The following MMAA variants were observed in gnomAD, a reference collection of about 807,000 sequenced individuals.
The protein encoded by MMAA is methylmalonic aciduria type A protein, mitochondrial.
Under a neutral mutation model 45.0 loss-of-function variants are expected in MMAA, and 41 were observed. That is an observed-to-expected ratio of 0.91 (90% CI 0.71 to 1.18). The LOEUF (loss-of-function observed/expected upper bound fraction) is 1.18. Ranked by LOEUF, MMAA falls within the 50% of genes most tolerant of loss-of-function variation. The pLI is 0.00. For missense variants in MMAA, 460 were observed against 495.7 expected (o/e 0.93, Z 0.68); for synonymous variants, 154 against 178.2 (o/e 0.86, Z 1.08).
chr4:145,625,032 G>A lies in MMAA; in HGVS notation c.-66+5625G>A, dbSNP rs1734172675. 1.7e-5 allele frequency: 15 copies of A among 906,814 alleles called. No individual in the cohort carries two copies. The South Asian group carries it at 2.0e-4, about 12-fold the overall frequency. 56.2% of individuals were successfully genotyped at this position (906,814 alleles called of 1,614,324 possible). A position where few individuals can be genotyped will look rare whatever the true frequency, so the allele number is the denominator to read the frequency against. On this transcript the variant is annotated intron_variant, in intron 1 of 6. Coordinates refer to ENST00000649156, the MANE Select transcript of MMAA (RefSeq NM_172250.3). ...TTCATATTATAGGACTGGAACAAGAGCTCAAACTTCTCACCGGTTTCATGA... is the reference window on the plus strand; with the variant it reads ...TTCATATTATAGGACTGGAACAAGAACTCAAACTTCTCACCGGTTTCATGA...
chr4:145,623,512 A>G (rs1734130426), intron 1 of MMAA, among the ~76,000 whole-genome samples: 1 of 152,240 alleles, frequency 6.6e-6, no homozygotes, highest in South Asian at 2.1e-4. Flanking sequence ...AATTTGCAGT[A>G]GCTGAGTTTC....
chr4:145,622,046 T>G (rs1258881968), intron 1 of MMAA, among the ~76,000 whole-genome samples: 1 of 152,162 alleles, frequency 6.6e-6, no homozygotes, highest in Non-Finnish European at 1.5e-5. Flanking sequence ...GAGCAAATAA[T>G]TGTGCTATAA....
At chr4:145,629,528 C>T (rs1447903212) in intron 1 of MMAA, among the ~76,000 whole-genome samples, 4 of 152,030 alleles carry the variant, frequency 2.6e-5, no homozygotes, top group Non-Finnish European at 5.9e-5. Flanking sequence ...AAACTAATGA[C>T]ATACCTAAAA....
In MMAA at chr4:145,654,776, C is replaced by A. The variant is rs546295761; in HGVS notation, c.970-371C>A. On this transcript the variant is annotated intron_variant, in intron 6 of 6. Coordinates refer to ENST00000649156, the MANE Select transcript of MMAA (RefSeq NM_172250.3). ...TTTGGCAGAGAGAATTAGGCTATTTCTCAACCTAGCTTCATTTTCTGGCAC... is the reference window on the plus strand; with the variant it reads ...TTTGGCAGAGAGAATTAGGCTATTTATCAACCTAGCTTCATTTTCTGGCAC... 4.6e-5 allele frequency among the ~76,000 whole-genome samples: 7 copies of A among 152,292 alleles called. No individual in the cohort carries two copies. The South Asian group carries it at 1.5e-3, about 32-fold the overall frequency.
chr4:145,640,206 A>C (rs1300005351), intron 2 of MMAA, among the ~76,000 whole-genome samples: 2 of 151,850 alleles, frequency 1.3e-5, no homozygotes, highest in Admixed American at 1.3e-4. Flanking sequence ...TCCTGGGTTC[A>C]GGTTCATGCA....
In MMAA at chr4:145,646,113, G is replaced by A. The variant is rs1313546295; in HGVS notation, c.690G>A (p.Leu230=). The change falls in exon 4 of 7, where the codon TTG becomes TTA. Residue 230 remains leucine (L), a synonymous_variant. Coordinates refer to ENST00000649156, the MANE Select transcript of MMAA (RefSeq NM_172250.3). Reference sequence around the variant, plus strand: ...GGACCACAAATGAAGCTATTCTGTTGTGTGAAGGAGCGGGATATGACATAA... The same window carrying A: ...GGACCACAAATGAAGCTATTCTGTTATGTGAAGGAGCGGGATATGACATAA... ...VTRTTNEAIL[L]CEGAGYDIIL... is the part of the protein sequence containing the mutation. The A allele has an allele frequency of 6.2e-6, 10 of 1,614,006 alleles. No individual in the cohort carries two copies. The highest frequency in any genetic ancestry group is 8.5e-6 in the Non-Finnish European group (10 of 1,179,980).
At chr4:145,621,965 A>G (rs969729365) in intron 1 of MMAA, among the ~76,000 whole-genome samples, 2 of 152,244 alleles carry the variant, frequency 1.3e-5, no homozygotes, top group East Asian at 1.9e-4. Context: ...AGAAACATCA[A>G]TTAACTGAGT....
intron 1 of MMAA, among the ~76,000 whole-genome samples, chr4:145,638,257 T>C (rs1161383093): frequency 6.6e-6 from 1 of 152,088 alleles, no homozygotes; most frequent in Non-Finnish European, 1.5e-5. Context: ...TAGTCCCAGC[T>C]ACTCGGGAGA....
chr4:145,623,881 A>G (rs1179640615), intron 1 of MMAA, among the ~76,000 whole-genome samples: 3 of 152,238 alleles, frequency 2.0e-5, no homozygotes, highest in Non-Finnish European at 4.4e-5. Context: ...TGAAAAAGAC[A>G]TACCCACAAA....
rs1578868608 is a variant in MMAA, at chr4:145,625,129, A to G, written c.-66+5722A>G. On this transcript the variant is annotated intron_variant, in intron 1 of 6. Coordinates refer to ENST00000649156, the MANE Select transcript of MMAA (RefSeq NM_172250.3). ...CTAGCCAATCTGATAGGTTCATCTC[A>G]TCTCGATCAGGAAGCTCTAGATCTT... 3 of 1,180,048 alleles carry G rather than the reference A, an allele frequency of 2.5e-6. No individual in the cohort carries two copies. In the East Asian group the frequency reaches 7.1e-5, roughly 28 times the overall value. 73.1% of individuals were successfully genotyped at this position (1,180,048 alleles called of 1,614,324 possible).
intron 4 of MMAA, among the ~76,000 whole-genome samples, chr4:145,648,047 G>A (rs1727983174): frequency 1.3e-5 from 2 of 148,180 alleles, no homozygotes; most frequent in Admixed American, 6.8e-5. Context: ...TTTTAGTAGA[G>A]ACAGGGTTTC....
chr4:145,620,448 C>G (rs1333667318), intron 1 of MMAA, among the ~76,000 whole-genome samples: 3 of 152,200 alleles, frequency 2.0e-5, no homozygotes, highest in African/African-American at 7.2e-5. Flanking sequence ...ATGGGGGTCT[C>G]TCAAACGCAG....
chr4:145,620,871 A>G (rs987570854), intron 1 of MMAA, among the ~76,000 whole-genome samples: 1 of 152,240 alleles, frequency 6.6e-6, no homozygotes, highest in African/African-American at 2.4e-5. Context: ...TTTGGAAGAT[A>G]GTAAACTCTC....
At chr4:145,625,863 C>G in intron 1 of MMAA, 1 of 1,355,028 alleles carries the variant, frequency 7.4e-7, no homozygotes, top group Admixed American at 1.7e-5. Flanking sequence ...TTCCAGATGA[C>G]GGGTTATGCA....
chr4:145,633,904 CT>C (rs1367715857), intron 1 of MMAA, among the ~76,000 whole-genome samples: 1 of 152,252 alleles, frequency 6.6e-6, no homozygotes, highest in Non-Finnish European at 1.5e-5. Context: ...TCTTCCCATA[CT>C]TTCTCCCAAA....
intron 4 of MMAA, among the ~76,000 whole-genome samples, chr4:145,647,734 G>A (rs541934870): frequency 6.6e-6 from 1 of 152,280 alleles, no homozygotes; most frequent in Non-Finnish European, 1.5e-5. Context: ...GAGGGCACTA[G>A]TCCTATTGGA....
intron 1 of MMAA, chr4:145,626,135 G>C (rs1238475157): frequency 3.9e-6 from 2 of 509,422 alleles, no homozygotes; most frequent in South Asian, 8.6e-5. Context: ...GCCCAAAGCT[G>C]ATTCGATTAT....
intron 3 of MMAA, chr4:145,642,856 T>C: frequency 3.7e-6 from 1 of 268,178 alleles, no homozygotes; most frequent in Middle Eastern, 1.3e-3. Context: ...AGGTCCTTAC[T>C]CATGTGTCAT....
rs1728239965 is a variant in MMAA, at chr4:145,656,624, C to T, written c.*1190C>T. Reference sequence around the variant, plus strand: ...ATACTTTAGGATTACCTTTGAAGAACCCTTTCTAGTTAATTCTTTGAATAT... The same window carrying T: ...ATACTTTAGGATTACCTTTGAAGAATCCTTTCTAGTTAATTCTTTGAATAT... On this transcript the variant is annotated 3_prime_UTR_variant, in exon 7 of 7. Coordinates refer to ENST00000649156, the MANE Select transcript of MMAA (RefSeq NM_172250.3). The T allele has an allele frequency of 1.3e-5, 2 of 151,966 alleles. No homozygotes were observed. Among genetic ancestry groups the T allele is most frequent in the African/African-American group, 4.8e-5 (2 of 41,272 alleles). The allele number at this position is 151,966 out of a possible 1,614,324, so 9.4% of individuals were successfully genotyped here.
Sources: gnomAD v4.1 joint callset for allele counts (sites outside exome capture counted in the v4.1 genomes callset) on GRCh38, gnomAD v4.1.1 for gene constraint, MANE v1.5 for transcripts, NCBI Gene and HGNC (gene_info 2026-07-23, HGNC 2026-07-21) for gene names.